Variants in SH3RF1 observed in about 807,000 individuals in gnomAD.
The protein encoded by SH3RF1 is E3 ubiquitin-protein ligase SH3RF1.
SH3RF1 carries 32 observed loss-of-function variants against 74.0 expected under a neutral mutation model. The observed-to-expected ratio is 0.43, with a 90% CI of 0.33 to 0.58. The LOEUF is 0.58. Among genes scored for constraint, SH3RF1 ranks in the 20% least tolerant of loss-of-function variants. The pLI, the probability that SH3RF1 is intolerant of heterozygous loss-of-function variation, is 0.05. For missense variants in SH3RF1, 954 were observed against 1,130.9 expected (o/e 0.84, Z 2.24); for synonymous variants, 396 against 439.6 (o/e 0.90, Z 1.24).
At chr4:169,159,934 CA>C (rs1734124752) in intron 2 of SH3RF1, among the ~76,000 whole-genome samples, 1 of 152,142 alleles carries the variant, frequency 6.6e-6, no homozygotes, top group Non-Finnish European at 1.5e-5. Context: ...TCTGGTTGAA[CA>C]GAAGAAATTA....
At chr4:169,106,059 A>C (rs1280978828) in intron 11 of SH3RF1, among the ~76,000 whole-genome samples, 1 of 151,728 alleles carries the variant, frequency 6.6e-6, no homozygotes, top group East Asian at 1.9e-4. Context: ...ATATATATGT[A>C]ATGTAAAATA....
chr4:169,181,172 T>C (rs916693204), intron 2 of SH3RF1, among the ~76,000 whole-genome samples: 2 of 152,100 alleles, frequency 1.3e-5, no homozygotes, highest in African/African-American at 4.8e-5. Context: ...TTCTCCTCCC[T>C]TATTTGGTAC....
At chr4:169,145,523 C>A (rs1733860289) in intron 4 of SH3RF1, among the ~76,000 whole-genome samples, 1 of 148,526 alleles carries the variant, frequency 6.7e-6, no homozygotes, top group Non-Finnish European at 1.5e-5. Context: ...CATGTAATAC[C>A]AATGTAATAA....
intron 6 of SH3RF1, among the ~76,000 whole-genome samples, chr4:169,128,961 T>C (rs778619212): frequency 6.6e-6 from 1 of 152,174 alleles, no homozygotes; most frequent in Non-Finnish European, 1.5e-5. Context: ...CTCTGTGAAG[T>C]AGATACTTAT....
chr4:169,185,895 G>C (rs1353182247), intron 2 of SH3RF1, among the ~76,000 whole-genome samples: 5 of 152,156 alleles, frequency 3.3e-5, no homozygotes, highest in Non-Finnish European at 4.4e-5. Flanking sequence ...AAATGGGGAG[G>C]CAGGATTCCA....
chr4:169,237,364 G>T (rs1730837169), intron 2 of SH3RF1, among the ~76,000 whole-genome samples: 1 of 152,182 alleles, frequency 6.6e-6, no homozygotes. Context: ...TTTCAGGCTG[G>T]ACACGATGGC....
Position 169,117,242 on chromosome 4 carries a change from C to T in SH3RF1, c.1777+281G>A, listed in dbSNP as rs28369473. Among the ~76,000 whole-genome samples the T allele has an allele frequency of 7.2e-3, 1,102 of 152,214 alleles. 13 individuals are homozygous for T. Among genetic ancestry groups the T allele is most frequent in the African/African-American group, 0.025 (1,056 of 41,520 alleles). Reference sequence around the variant, plus strand: ...GGATGGTAGTAGTGAGATTTGAGATCATATGATCTCAACTATAGAAGTCAA... The same window carrying T: ...GGATGGTAGTAGTGAGATTTGAGATTATATGATCTCAACTATAGAAGTCAA... On this transcript the variant is annotated intron_variant, in intron 9 of 11. Transcript: ENST00000284637.
intron 2 of SH3RF1, among the ~76,000 whole-genome samples, chr4:169,232,766 C>T (rs921895716): frequency 6.6e-6 from 1 of 152,064 alleles, no homozygotes; most frequent in Admixed American, 6.6e-5. Context: ...ATGGCTGCTA[C>T]TAGATATGTT....
intron 8 of SH3RF1, among the ~76,000 whole-genome samples, chr4:169,119,907 A>G (rs1166055587): frequency 6.6e-6 from 1 of 152,228 alleles, no homozygotes; most frequent in Non-Finnish European, 1.5e-5. Context: ...ATTACAGGTC[A>G]TTTAACTGTT....
At chr4:169,173,605 C>T (rs535660211) in intron 2 of SH3RF1, among the ~76,000 whole-genome samples, 1 of 152,092 alleles carries the variant, frequency 6.6e-6, no homozygotes, top group Non-Finnish European at 1.5e-5. Context: ...GATCCTGAGG[C>T]GCTGTAGATC....
chr4:169,140,901 G>A (rs1303671053), intron 4 of SH3RF1, among the ~76,000 whole-genome samples: 3 of 151,730 alleles, frequency 2.0e-5, no homozygotes, highest in East Asian at 1.9e-4. Flanking sequence ...TCCAACCCAC[G>A]GTCCTCTACA....
chr4:169,161,195 G>A (rs1452783882), intron 2 of SH3RF1, among the ~76,000 whole-genome samples: 1 of 152,206 alleles, frequency 6.6e-6, no homozygotes, highest in African/African-American at 2.4e-5. Flanking sequence ...TTTGCGGCTT[G>A]TCATTCACAC....
chr4:169,221,475 T>C (rs1579146405), intron 2 of SH3RF1, among the ~76,000 whole-genome samples: 3 of 152,066 alleles, frequency 2.0e-5, no homozygotes, highest in Non-Finnish European at 2.9e-5. Flanking sequence ...GAAAGAAAAA[T>C]AGTGTATAAC....
At chr4:169,224,972 A>G (rs1579148542) in intron 2 of SH3RF1, among the ~76,000 whole-genome samples, 4 of 152,336 alleles carry the variant, frequency 2.6e-5, no homozygotes, top group East Asian at 1.9e-4. Flanking sequence ...TTTATACTTT[A>G]AGCAGAGTAA....
At chr4:169,265,534 T>C (rs143369728) in intron 2 of SH3RF1, among the ~76,000 whole-genome samples, 5 of 152,264 alleles carry the variant, frequency 3.3e-5, no homozygotes, top group East Asian at 3.9e-4. Flanking sequence ...AGTGCAAGGG[T>C]GCGATCTCAG....
At chr4:169,196,664 A>G (rs1734817300) in intron 2 of SH3RF1, among the ~76,000 whole-genome samples, 1 of 152,152 alleles carries the variant, frequency 6.6e-6, no homozygotes, top group Admixed American at 6.5e-5. Flanking sequence ...ATTCTTTACT[A>G]TGTTATAACC....
chr4:169,098,208 A>C (rs1378986812), intron 11 of SH3RF1, among the ~76,000 whole-genome samples: 3 of 152,208 alleles, frequency 2.0e-5, no homozygotes, highest in Non-Finnish European at 4.4e-5. Flanking sequence ...TCTAATAAAT[A>C]CATCTTTCAC....
chr4:169,166,428 G>T, intron 2 of SH3RF1: 1 of 166,342 alleles, frequency 6.0e-6, no homozygotes. Context: ...CTTATTAGAG[G>T]AATTGGCAGA....
At position 169,116,634 on chromosome 4, in the gene SH3RF1, G is replaced by GCATTGCGGGCCTGGTTGAC; in HGVS notation, c.1778-5_1778-4insGTCAACCAGGCCCGCAATG. On this transcript the variant is annotated splice_polypyrimidine_tract_variant and splice_region_variant and intron_variant, in intron 9 of 11. Transcript: ENST00000284637. Reference sequence around the variant, plus strand: ...CGTTCCTGGTTGTGCGCTGCAACTAGTAGATGGGAAGAGGGAACACAGCAA... The same window carrying GCATTGCGGGCCTGGTTGAC: ...CGTTCCTGGTTGTGCGCTGCAACTAGCATTGCGGGCCTGGTTGACTAGATGGGAAGAGGGAACACAGCAA... 6.6e-7 allele frequency: 1 copy of GCATTGCGGGCCTGGTTGAC among 1,526,138 alleles called. No homozygotes were observed. The highest frequency in any genetic ancestry group is 8.8e-7 in the Non-Finnish European group (1 of 1,134,034). 94.5% of individuals were successfully genotyped at this position (1,526,138 alleles called of 1,614,324 possible).
Sources: gnomAD v4.1 joint callset for allele counts (sites outside exome capture counted in the v4.1 genomes callset) on GRCh38, gnomAD v4.1.1 for gene constraint, MANE v1.5 for transcripts, NCBI Gene and HGNC (gene_info 2026-07-23, HGNC 2026-07-21) for gene names.